Variants in PTK2B observed in about 807,000 individuals in gnomAD.
PTK2B encodes protein-tyrosine kinase 2-beta.
Under a neutral mutation model 142.9 loss-of-function variants are expected in PTK2B, and 71 were observed. The ratio of observed to expected loss-of-function variants is 0.50; its 90% confidence interval spans 0.41 to 0.61. The LOEUF is 0.61. PTK2B is among the 20% of genes least tolerant of loss of function. PTK2B has a pLI of 0.00. For missense variants in PTK2B, 1,105 were observed against 1,320.4 expected, an observed-to-expected ratio of 0.84 and a Z score of 2.53; for synonymous variants, 519 against 503.4, an observed-to-expected ratio of 1.03 and a Z score of -0.42.
intron 1 of PTK2B, among the ~76,000 whole-genome samples, chr8:27,361,721 G>A (rs1360839853): frequency 6.6e-6 from 1 of 152,066 alleles, no homozygotes; most frequent in Non-Finnish European, 1.5e-5. Context: ...GTCTCCCCAG[G>A]GGTGGTGGTT....
At chr8:27,332,036 C>T (rs781757615) in intron 1 of PTK2B, among the ~76,000 whole-genome samples, 3 of 152,224 alleles carry the variant, frequency 2.0e-5, no homozygotes, top group African/African-American at 4.8e-5. Context: ...ACATCCCCTC[C>T]GCTATTTAGG....
rs576754553 is a variant in PTK2B, at chr8:27,385,391, G to C, written c.-37-12157G>C. Among the ~76,000 whole-genome samples the C allele has an allele frequency of 3.3e-4, 51 of 152,326 alleles. 1 individual carries two copies. In the South Asian group the frequency reaches 0.01, roughly 30 times the overall value. On this transcript the variant is annotated intron_variant, in intron 1 of 30. Transcript: ENST00000346049. ...CTCTGGGCTCTTGGAGAACTGTTCA[G>C]AGTTGGCGATAACTTTCTGTAATCC...
At chr8:27,391,911 G>T (rs1441115761) in intron 1 of PTK2B, among the ~76,000 whole-genome samples, 1 of 152,198 alleles carries the variant, frequency 6.6e-6, no homozygotes, top group East Asian at 1.9e-4. Context: ...GCCCAGGATG[G>T]CTCAGAGCCA....
chr8:27,329,604 G>A (rs1045743087), intron 1 of PTK2B, among the ~76,000 whole-genome samples: 1 of 152,138 alleles, frequency 6.6e-6, no homozygotes, highest in Non-Finnish European at 1.5e-5. Flanking sequence ...GCAGAGCTGC[G>A]ACGTGCCCGG....
At chr8:27,406,594 G>A (rs1013245776) in intron 2 of PTK2B, among the ~76,000 whole-genome samples, 1 of 152,130 alleles carries the variant, frequency 6.6e-6, no homozygotes, top group Non-Finnish European at 1.5e-5. Flanking sequence ...CCTGGAAGTT[G>A]GCAGCGGGAA....
intron 2 of PTK2B, among the ~76,000 whole-genome samples, chr8:27,409,015 G>T (rs1563260926): frequency 6.6e-6 from 1 of 152,174 alleles, no homozygotes; most frequent in Non-Finnish European, 1.5e-5. Flanking sequence ...TCCTTGGCCT[G>T]CAGCTGCATC....
At chr8:27,351,773 A>G (rs1805106700) in intron 1 of PTK2B, among the ~76,000 whole-genome samples, 1 of 152,214 alleles carries the variant, frequency 6.6e-6, no homozygotes, top group Admixed American at 6.5e-5. Context: ...GTCAGCAGTC[A>G]GCAAATCTCT....
At chr8:27,442,752 C>T (rs540624815) in intron 21 of PTK2B, 123 bp from the exon 22 acceptor site, 64 of 754,094 alleles carry the variant, frequency 8.5e-5, no homozygotes, top group Admixed American at 3.1e-4. Flanking sequence ...AAGATCGAAA[C>T]GGAAATGGGA....
At chr8:27,449,743 A>T (rs925722892) in intron 24 of PTK2B, among the ~76,000 whole-genome samples, 1 of 152,246 alleles carries the variant, frequency 6.6e-6, no homozygotes, top group East Asian at 1.9e-4. Flanking sequence ...GCAGATATTT[A>T]TACAAATGAA....
intron 22 of PTK2B, 46 bp downstream of exon 22, chr8:27,443,029 C>T (rs757493304): frequency 1.3e-6 from 2 of 1,484,790 alleles, no homozygotes; most frequent in South Asian, 2.3e-5. Flanking sequence ...CAAAGCAAAG[C>T]CAGGTCCCTG....
chr8:27,399,489 C>A (rs1039844625), intron 2 of PTK2B, among the ~76,000 whole-genome samples: 2 of 152,114 alleles, frequency 1.3e-5, no homozygotes, highest in Non-Finnish European at 2.9e-5. Flanking sequence ...GAATATCAGG[C>A]AGAGAAATTT....
At chr8:27,443,955 A>C (rs1379208070) in intron 22 of PTK2B, among the ~76,000 whole-genome samples, 1 of 152,362 alleles carries the variant, frequency 6.6e-6, no homozygotes, top group East Asian at 1.9e-4. Flanking sequence ...CAACACATGC[A>C]CCAATCATTA....
chr8:27,436,210 C>T (rs1810766452), intron 14 of PTK2B, 41 bp from the exon 15 acceptor site: 1 of 1,599,352 alleles, frequency 6.3e-7, no homozygotes, highest in Non-Finnish European at 8.6e-7. Context: ...GGGGATACCA[C>T]CGATCTCTGT....
At chr8:27,378,612 T>C (rs879398241) in intron 1 of PTK2B, among the ~76,000 whole-genome samples, 770 of 54,358 alleles carry the variant, frequency 0.014, 4 homozygotes, top group African/African-American at 0.022. Flanking sequence ...TGTGTGTGTG[T>C]GTGTGTGTGT....
intron 1 of PTK2B, among the ~76,000 whole-genome samples, chr8:27,329,281 C>G (rs895823199): frequency 1.3e-5 from 2 of 152,148 alleles, no homozygotes; most frequent in African/African-American, 4.8e-5. Context: ...GACACAAACT[C>G]CCACCTGTAT....
At chr8:27,415,312 G>C (rs1288983868) in intron 2 of PTK2B, among the ~76,000 whole-genome samples, 1 of 152,104 alleles carries the variant, frequency 6.6e-6, no homozygotes, top group Non-Finnish European at 1.5e-5. Flanking sequence ...TGTACTCCTG[G>C]CTATTGCTAG....
chr8:27,402,948 A>T (rs1055621209), intron 2 of PTK2B, among the ~76,000 whole-genome samples: 13 of 152,310 alleles, frequency 8.5e-5, no homozygotes, highest in Admixed American at 5.2e-4. Context: ...CTAGGTTGTG[A>T]GAGCAAGACT....
At chr8:27,375,549 A>G (rs1806614509) in intron 1 of PTK2B, among the ~76,000 whole-genome samples, 1 of 152,186 alleles carries the variant, frequency 6.6e-6, no homozygotes, top group Non-Finnish European at 1.5e-5. Context: ...CCCTCGAGGA[A>G]CATCCAGGTC....
At chr8:27,388,665 C>T (rs998957458) in intron 1 of PTK2B, among the ~76,000 whole-genome samples, 9 of 152,212 alleles carry the variant, frequency 5.9e-5, no homozygotes, top group Admixed American at 5.9e-4. Context: ...CCCAACTCCC[C>T]TTTCAGTGCC....
Sources: allele counts gnomAD v4.1 joint callset (sites outside exome capture counted in the v4.1 genomes callset), GRCh38; gene constraint gnomAD v4.1.1; transcripts MANE v1.5; gene names NCBI Gene and HGNC (gene_info 2026-07-23, HGNC 2026-07-21).